The following DENND2B variants were observed in gnomAD, a reference collection of about 807,000 sequenced individuals.
DENND2B encodes the protein DENN domain-containing protein 2B.
In DENND2B, 32 loss-of-function variants were observed where a neutral mutation model predicts 116.0. The observed-to-expected ratio is 0.28, with a 90% CI of 0.21 to 0.37. The LOEUF is 0.37. Ranked by LOEUF, DENND2B falls within the 10% of genes least tolerant of loss-of-function variation. DENND2B has a pLI of 1.00. For missense variants in DENND2B, 1,276 were observed against 1,477.7 expected (o/e 0.86, Z 2.24); for synonymous variants, 588 against 583.9 (o/e 1.01, Z -0.10).
intron 4 of DENND2B, chr11:8,835,506 G>A (rs1381605201): frequency 6.6e-6 from 1 of 152,162 alleles, no homozygotes; most frequent in Non-Finnish European, 1.5e-5. Flanking sequence ...GGGATAAGGA[G>A]GGTTTTTTGG....
chr11:8,824,382 T>C (rs977582853), intron 4 of DENND2B, among the ~76,000 whole-genome samples: 1 of 152,196 alleles, frequency 6.6e-6, no homozygotes, highest in Non-Finnish European at 1.5e-5. Context: ...CCTTGGTGCC[T>C]GTTCTTCTCC....
chr11:8,833,554 T>C (rs1464036096), intron 4 of DENND2B, among the ~76,000 whole-genome samples: 1 of 152,160 alleles, frequency 6.6e-6, no homozygotes, highest in Non-Finnish European at 1.5e-5. Flanking sequence ...GACACACGTC[T>C]GTTCTTCAAA....
At chr11:8,795,261 AC>A (rs1306845272) in intron 1 of DENND2B, among the ~76,000 whole-genome samples, 1 of 152,190 alleles carries the variant, frequency 6.6e-6, no homozygotes, top group African/African-American at 2.4e-5. Context: ...CCACCTAAGA[AC>A]ATCTAAAGTA....
Position 8,702,673 on chromosome 11 carries a change from G to A in DENND2B, c.2619C>T (p.Asp873=). 6.2e-7 allele frequency: 1 copy of A among 1,614,000 alleles called. No homozygotes were observed. Among genetic ancestry groups the A allele is most frequent in the Non-Finnish European group, 8.5e-7 (1 of 1,180,030 alleles). Residue 873 remains aspartate (D), a synonymous_variant, in exon 14 of 20, where the codon GAC becomes GAT. Transcript: ENST00000313726. The surrounding 1 kb of genome is among the most constrained non-coding windows in gnomAD (Gnocchi z 4.6). The part of the protein sequence containing the change: ...RPMDSRLEHV[D]FECLFTCLSV... Reference sequence around the variant, plus strand: ...TGAGGCAGGTAAAAAGGCACTCAAAGTCCACGTGCTCCAGCCTTGAGTCCA... The same window carrying A: ...TGAGGCAGGTAAAAAGGCACTCAAAATCCACGTGCTCCAGCCTTGAGTCCA...
At chr11:8,889,006 G>A (rs1401178960) in intron 1 of DENND2B, among the ~76,000 whole-genome samples, 1 of 152,060 alleles carries the variant, frequency 6.6e-6, no homozygotes, top group Non-Finnish European at 1.5e-5. Flanking sequence ...TAGTCATTGT[G>A]GAAAACAGTA....
intron 2 of DENND2B, among the ~76,000 whole-genome samples, chr11:8,865,623 G>A (rs2063548148): frequency 6.6e-6 from 1 of 151,678 alleles, no homozygotes; most frequent in African/African-American, 2.4e-5. Context: ...TGTGTGCATT[G>A]AAGAGGGACA....
intron 13 of DENND2B, among the ~76,000 whole-genome samples, chr11:8,706,047 C>T (rs1031200947): frequency 2.0e-5 from 3 of 152,152 alleles, no homozygotes; most frequent in Non-Finnish European, 4.4e-5. Context: ...GAGTTCAAGA[C>T]CAGCCTGGGC....
chr11:8,849,829 AAAAAG>A (rs1416808894), intron 3 of DENND2B, among the ~76,000 whole-genome samples: 1 of 150,046 alleles, frequency 6.7e-6, no homozygotes, highest in African/African-American at 2.5e-5. Context: ...TCTCAAAAAA[AAAAAG>A]AAAAGAAAAG....
At chr11:8,810,803 A>ACTCTCT (rs2061328946), upstream of DENND2B, 1 of 105,548 alleles carries the variant, frequency 9.5e-6, no homozygotes, top group Non-Finnish European at 2.0e-5. Context: ...TTTCTTTCTC[A>ACTCTCT]CTGTCTCTCT....
chr11:8,834,606 G>A (rs1016178120), intron 4 of DENND2B, among the ~76,000 whole-genome samples: 4 of 152,204 alleles, frequency 2.6e-5, no homozygotes, highest in Non-Finnish European at 5.9e-5. Context: ...AGCCGAGACT[G>A]AAGAAAACAG....
chr11:8,765,854 A>G (rs1196859580), intron 1 of DENND2B, among the ~76,000 whole-genome samples: 1 of 152,120 alleles, frequency 6.6e-6, no homozygotes, highest in African/African-American at 2.4e-5. Context: ...CCTGGCCAAC[A>G]TGGTGAAACC....
chr11:8,745,674 T>C (rs189690704), intron 2 of DENND2B, among the ~76,000 whole-genome samples: 1 of 152,330 alleles, frequency 6.6e-6, no homozygotes, highest in Non-Finnish European at 1.5e-5. Context: ...ACAAACTATC[T>C]GACTTTTGAG....
intron 1 of DENND2B, among the ~76,000 whole-genome samples, chr11:8,770,858 T>C (rs545628193): frequency 6.6e-6 from 1 of 152,268 alleles, no homozygotes; most frequent in South Asian, 2.1e-4. Flanking sequence ...ACAGACTCTA[T>C]CTTGCCACTC....
intron 14 of DENND2B, among the ~76,000 whole-genome samples, chr11:8,699,621 G>A (rs1049363311): frequency 6.6e-6 from 1 of 152,208 alleles, no homozygotes; most frequent in Non-Finnish European, 1.5e-5. Context: ...AGGAAGGTAT[G>A]CAGCAACCCG....
At chr11:8,778,921 C>T (rs976463239) in intron 1 of DENND2B, among the ~76,000 whole-genome samples, 1 of 152,260 alleles carries the variant, frequency 6.6e-6, no homozygotes, top group African/African-American at 2.4e-5. Context: ...TCTACTTTCA[C>T]GTCTTTCCAT....
intron 4 of DENND2B, among the ~76,000 whole-genome samples, chr11:8,828,633 A>G (rs1230305668): frequency 6.6e-6 from 1 of 152,044 alleles, no homozygotes; most frequent in Non-Finnish European, 1.5e-5. Context: ...CACTCTTTTA[A>G]TAGGAAACAA....
intron 14 of DENND2B, chr11:8,700,141 G>A (rs2041277053): frequency 5.2e-6 from 2 of 382,582 alleles, no homozygotes; most frequent in African/African-American, 2.1e-5. Flanking sequence ...AAACCTCATG[G>A]TCCAGGCTCT....
chr11:8,750,290 A>G (rs1469961394), intron 2 of DENND2B, among the ~76,000 whole-genome samples: 1 of 152,062 alleles, frequency 6.6e-6, no homozygotes, highest in Non-Finnish European at 1.5e-5. Flanking sequence ...AGCCTCCCTC[A>G]CTACAGTGCA....
intron 3 of DENND2B, among the ~76,000 whole-genome samples, chr11:8,848,475 T>C (rs1430983698): frequency 1.3e-5 from 2 of 152,168 alleles, no homozygotes; most frequent in Non-Finnish European, 2.9e-5. Context: ...AGCATTTAAA[T>C]ACCAGACAAC....
Sources: allele counts gnomAD v4.1 joint callset (sites outside exome capture counted in the v4.1 genomes callset), GRCh38; gene constraint gnomAD v4.1.1; non-coding constraint Gnocchi (gnomAD v3.1); transcripts MANE v1.5; gene names NCBI Gene and HGNC (gene_info 2026-07-23, HGNC 2026-07-21).